The following MCU variants were observed in gnomAD, a reference collection of about 807,000 sequenced individuals.
MCU encodes mitochondrial calcium uniporter.
A neutral mutation model predicts 45.2 loss-of-function variants in MCU; 12 were observed. The observed-to-expected ratio is 0.27, with a 90% CI of 0.17 to 0.43. MCU has a LOEUF of 0.43. MCU is among the 20% of genes least tolerant of loss of function. The pLI is 1.00. For missense variants in MCU, 324 were observed against 436.7 expected (o/e 0.74, Z 2.30); for synonymous variants, 160 against 165.1 (o/e 0.97, Z 0.24).
At chr10:72,765,301 G>A (rs1218799323) in intron 1 of MCU, among the ~76,000 whole-genome samples, 2 of 152,100 alleles carry the variant, frequency 1.3e-5, no homozygotes, top group Admixed American at 1.3e-4. Flanking sequence ...TTCGTAAGAA[G>A]TACTATAAAA....
intron 1 of MCU, among the ~76,000 whole-genome samples, chr10:72,741,475 A>G (rs1843331187): frequency 6.6e-6 from 1 of 152,210 alleles, no homozygotes; most frequent in Non-Finnish European, 1.5e-5. Flanking sequence ...AAATATGTCC[A>G]GTTTACTGGC....
intron 1 of MCU, among the ~76,000 whole-genome samples, chr10:72,825,569 A>G (rs1445154016): frequency 6.6e-6 from 1 of 152,250 alleles, no homozygotes; most frequent in African/African-American, 2.4e-5. Context: ...AGAGAAATTA[A>G]TAGCAACCAC....
At chr10:72,699,414 G>A (rs753230294) in intron 1 of MCU, among the ~76,000 whole-genome samples, 6 of 151,976 alleles carry the variant, frequency 3.9e-5, no homozygotes, top group Non-Finnish European at 8.8e-5. Flanking sequence ...GGCTGAGGCA[G>A]GAGAATTGCT....
At chr10:72,722,406 C>CTTTTCTG (rs1843035708) in intron 1 of MCU, among the ~76,000 whole-genome samples, 1 of 134,920 alleles carries the variant, frequency 7.4e-6, no homozygotes. Flanking sequence ...GTTTCTTTTT[C>CTTTTCTG]TTTTCTGTTT....
chr10:72,869,309 G>C (rs1305441498), intron 5 of MCU, among the ~76,000 whole-genome samples: 1 of 152,264 alleles, frequency 6.6e-6, no homozygotes, highest in East Asian at 1.9e-4. Context: ...ACAAGGCTGG[G>C]CGTGGTGGCT....
At chr10:72,786,914 A>C (rs150483132) in intron 1 of MCU, among the ~76,000 whole-genome samples, 1 of 152,156 alleles carries the variant, frequency 6.6e-6, no homozygotes, top group African/African-American at 2.4e-5. Flanking sequence ...CAAATCACCA[A>C]ATGTGTGCTT....
intron 1 of MCU, among the ~76,000 whole-genome samples, chr10:72,770,517 G>A (rs1276469077): frequency 6.6e-6 from 1 of 151,582 alleles, no homozygotes; most frequent in Non-Finnish European, 1.5e-5. Context: ...AATATTATAG[G>A]TATATATGTT....
intron 1 of MCU, among the ~76,000 whole-genome samples, chr10:72,774,131 T>A (rs541420211): frequency 2.0e-4 from 30 of 152,314 alleles, no homozygotes; most frequent in African/African-American, 5.8e-4. Context: ...AATTGTGGTG[T>A]GCAGTACACT....
intron 5 of MCU, among the ~76,000 whole-genome samples, chr10:72,870,995 G>A (rs1845533586): frequency 6.6e-6 from 1 of 152,098 alleles, no homozygotes; most frequent in Non-Finnish European, 1.5e-5. Context: ...CCAGTTCCTG[G>A]GCTCAAGCGA....
chr10:72,867,455 A>G (rs549584768), intron 4 of MCU, among the ~76,000 whole-genome samples: 1 of 152,208 alleles, frequency 6.6e-6, no homozygotes, highest in Non-Finnish European at 1.5e-5. Context: ...ATAACTTCAT[A>G]CCCTTTAGAC....
chr10:72,711,833 T>A (rs986527841), intron 1 of MCU, among the ~76,000 whole-genome samples: 32 of 150,548 alleles, frequency 2.1e-4, no homozygotes, highest in African/African-American at 6.1e-4. Context: ...TGCCTCTGCC[T>A]CCCGAGTAGC....
At chr10:72,744,268 T>G (rs2132701477) in intron 1 of MCU, among the ~76,000 whole-genome samples, 2 of 150,694 alleles carry the variant, frequency 1.3e-5, no homozygotes, top group South Asian at 2.1e-4. Flanking sequence ...GGGTGCGTAA[T>G]ATTTTGGAGA....
chr10:72,717,955 C>T (rs367704015), intron 1 of MCU, among the ~76,000 whole-genome samples: 2 of 152,112 alleles, frequency 1.3e-5, no homozygotes, highest in African/African-American at 4.8e-5. Context: ...ATATCCCTCA[C>T]CTTCTTCTAT....
intron 6 of MCU, among the ~76,000 whole-genome samples, chr10:72,874,233 A>T (rs541138200): frequency 5.3e-5 from 8 of 152,310 alleles, no homozygotes; most frequent in African/African-American, 1.9e-4. Flanking sequence ...TTTATTGAAT[A>T]CCAGTATCTA....
chr10:72,857,720 T>A (rs528395879), intron 2 of MCU, among the ~76,000 whole-genome samples: 30 of 152,268 alleles, frequency 2.0e-4, no homozygotes, highest in African/African-American at 7.2e-4. Context: ...AATGCATTTT[T>A]AAAAAAATGT....
chr10:72,765,062 G>A (rs1650175015), intron 1 of MCU, among the ~76,000 whole-genome samples: 1 of 149,836 alleles, frequency 6.7e-6, no homozygotes, highest in Non-Finnish European at 1.5e-5. Flanking sequence ...GAACATCTTG[G>A]GCAACATGGT....
At chr10:72,747,647 G>A (rs1255267943) in intron 1 of MCU, among the ~76,000 whole-genome samples, 5 of 152,026 alleles carry the variant, frequency 3.3e-5, no homozygotes, top group Non-Finnish European at 5.9e-5. Context: ...GTAACACAGG[G>A]AGACCTCGTC....
intron 1 of MCU, among the ~76,000 whole-genome samples, chr10:72,731,422 A>G (rs1365331874): frequency 1.3e-5 from 2 of 152,162 alleles, no homozygotes; most frequent in East Asian, 3.8e-4. Flanking sequence ...AAGAGTAGGA[A>G]TCTCCTTTTT....
At chr10:72,884,115 CAGT>C (rs1262809915) in intron 6 of MCU, 148 bp from the exon 7 acceptor site, 5 of 582,958 alleles carry the variant, frequency 8.6e-6, no homozygotes, top group African/African-American at 1.9e-5. Flanking sequence ...GTATGTTTCA[CAGT>C]AGAAATGTTC....
Sources: allele counts gnomAD v4.1 joint callset (sites outside exome capture counted in the v4.1 genomes callset), GRCh38; gene constraint gnomAD v4.1.1; transcripts MANE v1.5; gene names NCBI Gene and HGNC (gene_info 2026-07-23, HGNC 2026-07-21).